HTR2C: variants seen among roughly 807,000 people sequenced by gnomAD.
HTR2C encodes the protein 5-hydroxytryptamine receptor 2C.
In HTR2C, 5 loss-of-function variants were observed where a neutral mutation model predicts 21.0. The observed-to-expected ratio is 0.24, with a 90% CI of 0.12 to 0.50. HTR2C has a LOEUF of 0.50. Among genes scored for constraint, HTR2C ranks in the 20% least tolerant of loss-of-function variants. The pLI is 0.98. For missense variants in HTR2C, 271 were observed against 371.2 expected (o/e 0.73, Z 2.22); for synonymous variants, 150 against 145.3 (o/e 1.03, Z -0.23).
chrX:114,601,514 A>G (rs2147794152), intron 1 of HTR2C, among the ~76,000 whole-genome samples: 1 of 108,131 alleles, frequency 9.2e-6, no homozygotes, highest in South Asian at 4.3e-4. Flanking sequence ...AGCCAGGATG[A>G]GCCAGGAAAA....
chrX:114,802,698 CTTT>C (rs2070359526), intron 4 of HTR2C, among the ~76,000 whole-genome samples: 1 of 93,238 alleles, frequency 1.1e-5, no homozygotes, highest in African/African-American at 4.0e-5. Flanking sequence ...TTCTTTCTTT[CTTT>C]CTTTCTTTCT....
At chrX:114,835,004 T>C (rs2070767401) in intron 4 of HTR2C, among the ~76,000 whole-genome samples, 1 of 97,231 alleles carries the variant, frequency 1.0e-5, no homozygotes, top group African/African-American at 3.6e-5. Flanking sequence ...GGTTGAAAAT[T>C]CTTTTCTTTA....
At chrX:114,855,240 A>G (rs1602881642) in intron 5 of HTR2C, among the ~76,000 whole-genome samples, 1 of 111,544 alleles carries the variant, frequency 9.0e-6, no homozygotes, top group South Asian at 3.7e-4. Context: ...AAATCCACTA[A>G]TGTATCTAGA....
intron 2 of HTR2C, among the ~76,000 whole-genome samples, chrX:114,656,609 A>G (rs1476541346): frequency 4.5e-5 from 5 of 111,330 alleles, no homozygotes; most frequent in African/African-American, 1.6e-4. Flanking sequence ...TTGCTTAGAA[A>G]GAGCTTACTA....
intron 2 of HTR2C, among the ~76,000 whole-genome samples, chrX:114,631,367 T>C (rs1448558444): frequency 9.0e-6 from 1 of 111,330 alleles, no homozygotes; most frequent in Non-Finnish European, 1.9e-5. Context: ...TCAGTAAATA[T>C]TATCCTCGCT....
intron 4 of HTR2C, among the ~76,000 whole-genome samples, chrX:114,749,562 A>G (rs1818852611): frequency 9.1e-6 from 1 of 109,641 alleles, no homozygotes; most frequent in South Asian, 4.0e-4. Flanking sequence ...ATAGGATGAA[A>G]GAGAATTGTA....
chrX:114,641,055 T>TTTTTCTTTTCTTTTC (rs1556406338), intron 2 of HTR2C, among the ~76,000 whole-genome samples: 57 of 101,442 alleles, frequency 5.6e-4, no homozygotes, highest in African/African-American at 2.1e-3. Flanking sequence ...TTTCTTTCTT[T>TTTTTCTTTTCTTTTC]TTTTCTTTTC....
At chrX:114,672,602 T>C (rs1204782814) in intron 2 of HTR2C, among the ~76,000 whole-genome samples, 2 of 111,779 alleles carry the variant, frequency 1.8e-5, no homozygotes, top group African/African-American at 6.5e-5. Context: ...ACCTTTGATA[T>C]GAGAGTTAAA....
At chrX:114,629,503 T>C (rs2147816441) in intron 2 of HTR2C, among the ~76,000 whole-genome samples, 1 of 111,777 alleles carries the variant, frequency 8.9e-6, no homozygotes, top group African/African-American at 3.2e-5. Flanking sequence ...AAGAAAGTAA[T>C]GGGACATTTT....
At chrX:114,725,886 C>T (rs1222765451) in intron 2 of HTR2C, among the ~76,000 whole-genome samples, 1 of 108,946 alleles carries the variant, frequency 9.2e-6, no homozygotes, top group African/African-American at 3.3e-5. Flanking sequence ...AGATCTCCAG[C>T]TGCATGCTGG....
chrX:114,884,632 T>C (rs1556480709), intron 5 of HTR2C, among the ~76,000 whole-genome samples: 1 of 111,534 alleles, frequency 9.0e-6, no homozygotes, highest in African/African-American at 3.3e-5. Flanking sequence ...CAAATGGCTA[T>C]TACCAAAAAT....
At chrX:114,749,535 A>AC (rs1185590663) in intron 4 of HTR2C, among the ~76,000 whole-genome samples, 1 of 107,880 alleles carries the variant, frequency 9.3e-6, no homozygotes, top group Non-Finnish European at 1.9e-5. Flanking sequence ...GCAGACAGTT[A>AC]CCCTGAAATA....
At chrX:114,833,427 G>C (rs1569498145) in intron 4 of HTR2C, among the ~76,000 whole-genome samples, 1 of 110,870 alleles carries the variant, frequency 9.0e-6, no homozygotes, top group Non-Finnish European at 1.9e-5. Context: ...GTTTAGTCTT[G>C]TGAGAGTGTA....
At chrX:114,776,585 G>A (rs2070059677) in intron 4 of HTR2C, 3 of 525,428 alleles carry the variant, frequency 5.7e-6, no homozygotes, top group African/African-American at 4.5e-5. Context: ...AACCGTGTTG[G>A]TGGGGTTCAT....
chrX:114,902,489 A>G (rs2071343666), intron 5 of HTR2C, among the ~76,000 whole-genome samples: 1 of 111,864 alleles, frequency 8.9e-6, no homozygotes, highest in Non-Finnish European at 1.9e-5. Flanking sequence ...TTTATTTTCA[A>G]TAATAATAAT....
At chrX:114,608,849 A>T (rs1928592230) in intron 1 of HTR2C, among the ~76,000 whole-genome samples, 1 of 111,830 alleles carries the variant, frequency 8.9e-6, no homozygotes, top group African/African-American at 3.2e-5. Context: ...TCCAATCAAG[A>T]TTTGTCAAAC....
At chrX:114,604,145 T>C (rs782411634) in intron 1 of HTR2C, among the ~76,000 whole-genome samples, 77 of 107,325 alleles carry the variant, frequency 7.2e-4, no homozygotes, top group African/African-American at 2.6e-3. Context: ...TACTTGTGGG[T>C]TAAGGTGGGG....
At position 114,907,056 on chromosome X, in the gene HTR2C, T is replaced by A; in HGVS notation, c.1018T>A (p.Ser340Thr). Reference protein sequence around the residue: ...TNILSVLCEKSCNQKLMEKLL... With the variant: ...TNILSVLCEKTCNQKLMEKLL... ...TATTCTGTCTGTTCTTTGTGAGAAG[T>A]CCTGTAACCAAAAGCTCATGGAAAA... The change falls in exon 6 of 6, where the codon TCC becomes ACC. Residue 340 changes from serine to threonine, a missense_variant. Ser to Thr is a moderately conservative substitution (Grantham distance 58). Coordinates refer to ENST00000276198, the MANE Select transcript of HTR2C (RefSeq NM_000868.4). 8.3e-7 allele frequency: 1 copy of A among 1,210,643 alleles called. No homozygotes were observed.
rs782419223 is a variant in HTR2C at position 114,731,547 on chromosome X, A to G, written c.289A>G (p.Ile97Val). The change falls in exon 4 of 6, where the codon ATT becomes GTT. Residue 97 changes from isoleucine (I) to valine (V), a missense_variant. Transcript: ENST00000276198. ...ATNYFLMSLA[I>V]ADMLVGLLVM... The stretch of plus-strand genomic sequence containing the variant: ...CAATTACTTCTTAATGTCCCTAGCC[A>G]TTGCTGATATGCTAGTGGGACTACT... 3.3e-6 allele frequency: 4 copies of G among 1,207,301 alleles called. No individual in the cohort carries two copies. Among genetic ancestry groups the G allele is most frequent in the South Asian group, 1.8e-5 (1 of 56,829 alleles).
Sources: gnomAD v4.1 joint callset for allele counts (sites outside exome capture counted in the v4.1 genomes callset) on GRCh38, gnomAD v4.1.1 for gene constraint, MANE v1.5 for transcripts, NCBI Gene and HGNC (gene_info 2026-07-23, HGNC 2026-07-21) for gene names.